DNAH12: variants seen among roughly 807,000 people sequenced by gnomAD.
The protein encoded by DNAH12 is axonemal beta dynein heavy chain 12.
A neutral mutation model predicts 371.5 loss-of-function variants in DNAH12; 285 were observed. The observed-to-expected ratio is 0.77, with a 90% confidence interval of 0.70 to 0.85. The LOEUF (loss-of-function observed/expected upper bound fraction) is 0.85, where lower values mean the gene tolerates loss of function less well. Ranked by LOEUF, DNAH12 falls within the 40% of genes least tolerant of loss-of-function variation. DNAH12 has a pLI of 0.00. For synonymous variants in DNAH12, 1,200 were observed against 1,213.0 expected, an observed-to-expected ratio of 0.99 and a Z score of 0.22; for missense variants, 3,611 against 3,689.4, an observed-to-expected ratio of 0.98 and a Z score of 0.55.
chr3:57,309,073 A>G (rs1333915686), intron 69 of DNAH12, 78 bp downstream of exon 69: 10 of 1,204,296 alleles, frequency 8.3e-6, no homozygotes, highest in Non-Finnish European at 1.1e-5. Flanking sequence ...CCGCCCCAAC[A>G]CTTCAACACT....
chr3:57,464,462 T>C (rs1437925529), intron 17 of DNAH12, among the ~76,000 whole-genome samples: 1 of 152,096 alleles, frequency 6.6e-6, no homozygotes, highest in Non-Finnish European at 1.5e-5. Context: ...GGGCTTAAGG[T>C]GCCACTTGGA....
chr3:57,305,285 G>A (rs1007410063), intron 69 of DNAH12, among the ~76,000 whole-genome samples: 99 of 151,516 alleles, frequency 6.5e-4, no homozygotes, highest in Non-Finnish European at 1.3e-3. Flanking sequence ...AACCCCAAGC[G>A]TCGCTGAGTC....
chr3:57,401,500 A>C (rs9869192), intron 43 of DNAH12, among the ~76,000 whole-genome samples: 1 of 144,926 alleles, frequency 6.9e-6, no homozygotes, highest in Non-Finnish European at 1.5e-5. Context: ...GGAGGCGAAG[A>C]TTGCAGTGAG....
In DNAH12 at chr3:57,429,696, C is replaced by G; in HGVS notation, c.5059G>C (p.Ala1687Pro). The stretch of plus-strand genomic sequence containing the variant: ...GTATTAAATTATGAACTTACGGATG[C>G]CTGGGAAAGGTCCATTGTTTCAAAG... Reference protein sequence around the residue: ...LIFETMDLSQASPATVSRCGM... With the variant: ...LIFETMDLSQPSPATVSRCGM... The change falls in exon 33 of 74, where the codon GCA becomes CCA. Residue 1687 changes from alanine to proline, a missense_variant. Transcript: ENST00000495027. 6.5e-7 allele frequency: 1 copy of G among 1,533,282 alleles called. No individual in the cohort carries two copies. The allele number at this position is 1,533,282 out of a possible 1,614,324, so 95.0% of individuals were successfully genotyped here. A position where few individuals can be genotyped will look rare whatever the true frequency, so the allele number is the denominator to read the frequency against.
chr3:57,315,828 C>T (rs1260996200), intron 65 of DNAH12, among the ~76,000 whole-genome samples: 2 of 152,228 alleles, frequency 1.3e-5, no homozygotes, highest in African/African-American at 4.8e-5. Flanking sequence ...AATTTCTCCA[C>T]ATTTTTGGTC....
At chr3:57,349,395 C>A (rs1305832420) in intron 60 of DNAH12, among the ~76,000 whole-genome samples, 1 of 152,182 alleles carries the variant, frequency 6.6e-6, no homozygotes. Flanking sequence ...ACAACCACTA[C>A]AGAAAACAGT....
Position 57,419,469 on chromosome 3 carries a change from G to T in DNAH12, c.5612C>A (p.Thr1871Asn). Residue 1871 changes from threonine (T) to asparagine (N), a missense_variant, in exon 37 of 74, where the codon ACT becomes AAT. By Grantham distance (65) the Thr-to-Asn change is moderately conservative (BLOSUM62 0). Around this residue, in one of 3 missense-constraint regions of DNAH12, gnomAD observed 2,266 missense variants for 2,236.9 expected, o/e 1.01. Transcript: ENST00000495027. ...CTTGATTTGTTTATCTCCTAAATTAGTATTTTTAATTAATTCATTCCAATG... is the reference window on the plus strand; with the variant it reads ...CTTGATTTGTTTATCTCCTAAATTATTATTTTTAATTAATTCATTCCAATG... ...WVHWNELIKN[T>N]NLGDKQIKIQ... is the part of the protein sequence containing the mutation. 1 of 1,488,152 alleles carries T rather than the reference G, an allele frequency of 6.7e-7. No homozygotes were observed. The highest frequency in any genetic ancestry group is 8.9e-7 in the Non-Finnish European group (1 of 1,120,690). The allele number at this position is 1,488,152 out of a possible 1,614,324, so 92.2% of individuals were successfully genotyped here. A position where few individuals can be genotyped will look rare whatever the true frequency, so the allele number is the denominator to read the frequency against.
At chr3:57,369,851 C>T (rs1381267855) in intron 55 of DNAH12, among the ~76,000 whole-genome samples, 1 of 152,048 alleles carries the variant, frequency 6.6e-6, no homozygotes, top group African/African-American at 2.4e-5. Context: ...AATAAATGTC[C>T]TTGGTAATGC....
At chr3:57,473,041 A>AT (rs34406887) in intron 13 of DNAH12, among the ~76,000 whole-genome samples, 101,056 of 151,414 alleles carry the variant, frequency 0.67, 33,943 homozygotes, top group South Asian at 0.75. Context: ...ATTCTTATAA[A>AT]TATTTTATTT....
At position 57,446,270 on chromosome 3, in the gene DNAH12, A is replaced by G. The variant is rs1451014967; in HGVS notation, c.3940T>C (p.Phe1314Leu). Residue 1314 changes from phenylalanine to leucine, a missense_variant and splice_region_variant, in exon 27 of 74, where the codon TTT (phenylalanine) becomes CTT (leucine). By Grantham distance (22) the Phe-to-Leu change is conservative (BLOSUM62 0). Coordinates refer to ENST00000495027, the MANE Select transcript of DNAH12 (RefSeq NM_001366028.2). Reference sequence around the variant, plus strand: ...CCAGAAGAAGCCAGTCCTTTAAAAAACTAAGGACAAAGAAAAAGGAAAGTG... The same window carrying G: ...CCAGAAGAAGCCAGTCCTTTAAAAAGCTAAGGACAAAGAAAAAGGAAAGTG... ...DGLDYLAMGK[F>L]FKGLASSGAW... The G allele has an allele frequency of 6.5e-7, 1 of 1,548,880 alleles. No homozygotes were observed. The highest frequency in any genetic ancestry group is 2.0e-5 in the Admixed American group (1 of 50,648).
At chr3:57,357,443 C>T (rs1464568568) in intron 58 of DNAH12, 95 bp from the exon 59 acceptor site, 1 of 151,840 alleles carries the variant, frequency 6.6e-6, no homozygotes, top group Non-Finnish European at 1.5e-5. Flanking sequence ...AAAAAAATCT[C>T]AGTGCAATAA....
chr3:57,449,695 C>G (rs563748598), intron 25 of DNAH12, among the ~76,000 whole-genome samples: 26 of 152,316 alleles, frequency 1.7e-4, no homozygotes, highest in African/African-American at 4.8e-4. Flanking sequence ...CCGCAAGCGC[C>G]GCACGCAGCC....
At chr3:57,465,920 A>G (rs1449986119) in intron 17 of DNAH12, among the ~76,000 whole-genome samples, 1 of 152,110 alleles carries the variant, frequency 6.6e-6, no homozygotes, top group Non-Finnish European at 1.5e-5. Context: ...AGTAGCAAAA[A>G]CCTAAAGTTT....
At chr3:57,539,739 G>A (rs371524323) in intron 2 of DNAH12, among the ~76,000 whole-genome samples, 3 of 148,168 alleles carry the variant, frequency 2.0e-5, no homozygotes, top group African/African-American at 7.5e-5. Flanking sequence ...TCAGCCTCCC[G>A]AGTAGCTGGG....
chr3:57,348,317 T>C (rs1268664849), intron 60 of DNAH12, among the ~76,000 whole-genome samples: 1 of 151,862 alleles, frequency 6.6e-6, no homozygotes, highest in African/African-American at 2.4e-5. Flanking sequence ...AACTAAACCA[T>C]GGAGATAACA....
chr3:57,458,985 C>T (rs1054134424), intron 20 of DNAH12, among the ~76,000 whole-genome samples: 1 of 152,186 alleles, frequency 6.6e-6, no homozygotes, highest in African/African-American at 2.4e-5. Flanking sequence ...CTCAGTAAGT[C>T]CAGCACAGCT....
chr3:57,301,379 A>G (rs2061343381), intron 70 of DNAH12, among the ~76,000 whole-genome samples: 1 of 151,600 alleles, frequency 6.6e-6, no homozygotes, highest in Non-Finnish European at 1.5e-5. Context: ...TTACAGGACC[A>G]CAAACTTAGA....
chr3:57,328,747 A>T (rs1046997628), intron 62 of DNAH12, among the ~76,000 whole-genome samples: 21 of 131,852 alleles, frequency 1.6e-4, no homozygotes, highest in Admixed American at 6.4e-4. Context: ...AGGGTATTCA[A>T]TTAGGAAAAG....
chr3:57,551,422 C>T, the DNAH12 span, among the ~76,000 whole-genome samples: 5 of 151,702 alleles, frequency 3.3e-5, no homozygotes, highest in Admixed American at 1.3e-4. Context: ...CAGGCACCCA[C>T]GACCACGCCC....
Sources: gnomAD v4.1 joint callset for allele counts (sites outside exome capture counted in the v4.1 genomes callset) on GRCh38, gnomAD v4.1.1 for gene constraint, gnomAD v4.1.1 regional missense constraint, MANE v1.5 for transcripts, NCBI Gene and HGNC (gene_info 2026-07-23, HGNC 2026-07-21) for gene names.